NEB: variants seen among roughly 807,000 people sequenced by gnomAD.
NEB encodes the protein nemaline myopathy type 2.
NEB carries 512 observed loss-of-function variants against 952.2 expected under a neutral mutation model. That is an observed-to-expected ratio of 0.54 (90% CI 0.50 to 0.58). NEB has a LOEUF of 0.58. Ranked by LOEUF, NEB falls within the 20% of genes least tolerant of loss-of-function variation. The pLI is 0.00. For synonymous variants in NEB, 2,900 were observed against 3,149.8 expected, an observed-to-expected ratio of 0.92 and a Z score of 2.66; for missense variants, 8,428 against 9,231.1, an observed-to-expected ratio of 0.91 and a Z score of 3.56.
intron 12 of NEB, among the ~76,000 whole-genome samples, chr2:151,708,096 T>C (rs1342141691): frequency 1.3e-5 from 2 of 152,084 alleles, no homozygotes; most frequent in Admixed American, 6.5e-5. Flanking sequence ...AAGCACCAAA[T>C]CTCTTCCCCT....
chr2:151,513,564 G>A lies in NEB; in HGVS notation c.23241+16C>T, dbSNP rs75221580. 1.4e-4 allele frequency: 222 copies of A among 1,558,130 alleles called. 1 individual carries two copies. The African/African-American group carries it at 2.2e-3, about 16-fold the overall frequency. ...ACTACTTTCCTGAAAGATTGACATC[G>A]AATAGTAGCACTGACCTGACTGGCA... is the stretch of plus-strand genomic sequence containing the variant. On this transcript the variant is annotated intron_variant, in intron 160 of 181. Coordinates refer to ENST00000397345, the MANE Select transcript of NEB (RefSeq NM_001164508.2).
intron 10 of NEB, among the ~76,000 whole-genome samples, chr2:151,715,856 AC>A (rs1042259297): frequency 1.3e-5 from 2 of 152,210 alleles, no homozygotes; most frequent in Admixed American, 6.5e-5. Flanking sequence ...GTAGCACTAA[AC>A]CAACTGGCAA....
intron 157 of NEB, among the ~76,000 whole-genome samples, chr2:151,515,430 C>T (rs1173576748): frequency 2.0e-5 from 3 of 152,124 alleles, no homozygotes; most frequent in Admixed American, 6.5e-5. Flanking sequence ...CCAGGCTGGT[C>T]TCAAACTCCT....
At chr2:151,734,237 A>C (rs1036785711) in intron 1 of NEB, among the ~76,000 whole-genome samples, 161 bp downstream of exon 1, 4 of 152,344 alleles carry the variant, frequency 2.6e-5, no homozygotes, top group African/African-American at 7.2e-5. Context: ...CATAGCAGAT[A>C]TTAGTAGGGC....
rs2153608107 is a variant in NEB at position 151,546,426 on chromosome 2, G to C, written c.20385C>G (p.Asp6795Glu). ...AGCCAAATCCCTTCAGGACCTGCAA[G>C]TCCTCTTTGTATTTAATCTGAGAGG... Reference protein sequence around the residue: ...DITSDIKYKEDLQVLKGFGCF... With the variant: ...DITSDIKYKEELQVLKGFGCF... The change falls in exon 134 of 182, where the codon GAC becomes GAG. Residue 6795 changes from aspartate (D) to glutamate (E), a missense_variant. Coordinates refer to ENST00000397345, the MANE Select transcript of NEB (RefSeq NM_001164508.2). 1 of 1,612,882 alleles carries C rather than the reference G, an allele frequency of 6.2e-7. No individual in the cohort carries two copies. The highest frequency in any genetic ancestry group is 1.3e-5 in the African/African-American group (1 of 75,006).
intron 145 of NEB, among the ~76,000 whole-genome samples, chr2:151,530,468 G>A (rs1038002529): frequency 1.2e-4 from 19 of 152,148 alleles, no homozygotes; most frequent in African/African-American, 4.1e-4. Flanking sequence ...AAACTGTTCC[G>A]AGGGAGCCAT....
chr2:151,569,184 A>G (rs973941381), intron 110 of NEB, 84 bp downstream of exon 110: 16 of 1,096,612 alleles, frequency 1.5e-5, no homozygotes, highest in Non-Finnish European at 2.1e-5. Context: ...AAGATTGCTG[A>G]TATTAGATGA....
chr2:151,538,089 T>A, intron 139 of NEB, 51 bp downstream of exon 139: 3 of 1,511,238 alleles, frequency 2.0e-6, no homozygotes, highest in Non-Finnish European at 2.8e-6. Context: ...TATGTATATG[T>A]ATATGGTGAG....
At position 151,640,051 on chromosome 2, in the gene NEB, T is replaced by C. The variant is rs2098827733; in HGVS notation, c.8695A>G (p.Lys2899Glu). 6.2e-7 allele frequency: 1 copy of C among 1,613,270 alleles called. No homozygotes were observed. Among genetic ancestry groups the C allele is most frequent in the Non-Finnish European group, 8.5e-7 (1 of 1,179,224 alleles). The change falls in exon 62 of 182, where the codon AAG (lysine) becomes GAG (glutamate). Residue 2899 changes from lysine to glutamate, a missense_variant. By Grantham distance (56) the Lys-to-Glu change is moderately conservative. This residue lies in a region of NEB where 1,772 missense variants were observed against 1,960.3 expected (regional missense o/e 0.90). Coordinates refer to ENST00000397345, the MANE Select transcript of NEB (RefSeq NM_001164508.2). The part of the protein sequence containing the change: ...AYDLQSDNMY[K>E]SDLQWMRGIG... ...CCTCTCATCCACTGGAGATCAGACT[T>C]GTACATATTCTGTTGACACAAATAG...
chr2:151,563,467 G>T (rs1449329099), intron 119 of NEB, 139 bp downstream of exon 119: 2 of 730,784 alleles, frequency 2.7e-6, no homozygotes, highest in Non-Finnish European at 4.8e-6. Flanking sequence ...TGACTTGGAG[G>T]GGTGAGGAAA....
At chr2:151,718,382 C>A (rs2099765139) in intron 9 of NEB, among the ~76,000 whole-genome samples, 1 of 152,116 alleles carries the variant, frequency 6.6e-6, no homozygotes, top group African/African-American at 2.4e-5. Context: ...TACTCTATGA[C>A]CCTATGGTAT....
chr2:151,494,974 G>A (rs926590848), intron 173 of NEB: 9 of 152,424 alleles, frequency 5.9e-5, no homozygotes, highest in African/African-American at 2.2e-4. Context: ...TTACTGGACT[G>A]TTTTGCAGCA....
At chr2:151,538,350 A>G (rs1416157797) in intron 138 of NEB, 106 bp from the exon 139 acceptor site, 4 of 818,146 alleles carry the variant, frequency 4.9e-6, no homozygotes, top group African/African-American at 1.7e-5. Context: ...TCCCATGAAT[A>G]CATTTAGGAA....
rs532130242 is a variant in NEB, at chr2:151,679,728, G to A, written c.3248C>T (p.Ala1083Val). 174 of 1,378,874 alleles carry A rather than the reference G, an allele frequency of 1.3e-4. 3 individuals carry two copies. In the South Asian group the frequency reaches 1.7e-3, roughly 13 times the overall value. The allele number at this position is 1,378,874 out of a possible 1,614,324, so 85.4% of individuals were successfully genotyped here. Reference sequence around the variant, plus strand: ...GACCACAGCTGGACTTACGTCACTCGCCGCCTGCCTGGCAGCTTTGGCAGC... The same window carrying A: ...GACCACAGCTGGACTTACGTCACTCACCGCCTGCCTGGCAGCTTTGGCAGC... ...IRAAKAARQA[A>V]SDVQYKKDYE... Residue 1083 changes from alanine (A) to valine (V), a missense_variant, in exon 32 of 182, where the codon GCG becomes GTG. Physicochemically the swap from Ala to Val is moderately conservative, Grantham distance 64. Transcript: ENST00000397345.
At chr2:151,577,082 C>T (rs1578316354) in intron 105 of NEB, among the ~76,000 whole-genome samples, 1 of 152,248 alleles carries the variant, frequency 6.6e-6, no homozygotes, top group South Asian at 2.1e-4. Flanking sequence ...GACTTTAAAG[C>T]AACAATAATG....
At chr2:151,496,428 G>GT in intron 172 of NEB, 60 bp from the exon 173 acceptor site, 1 of 1,536,410 alleles carries the variant, frequency 6.5e-7, no homozygotes, top group Non-Finnish European at 8.8e-7. Context: ...TTGTTGAGAG[G>GT]TTTTAAGGGT....
Position 151,688,413 on chromosome 2 carries a change from A to G in NEB, c.2311-17T>C, listed in dbSNP as rs368146492. On this transcript the variant is annotated splice_polypyrimidine_tract_variant and intron_variant, in intron 24 of 181. Coordinates refer to ENST00000397345, the MANE Select transcript of NEB (RefSeq NM_001164508.2). ...GTAATTCAGCTGAAAAACAAAGGAT[A>G]TTTGAACGGTTCAGGGGAACTTCTT... 4.4e-6 allele frequency: 7 copies of G among 1,590,610 alleles called. No individual in the cohort carries two copies. Among genetic ancestry groups the G allele is most frequent in the South Asian group, 1.1e-5 (1 of 90,326 alleles).
chr2:151,620,337 GTA>G (rs1249579994), intron 72 of NEB, among the ~76,000 whole-genome samples: 5 of 52,748 alleles, frequency 9.5e-5, no homozygotes, highest in African/African-American at 2.6e-4. Context: ...ATATATATAT[GTA>G]TGTGTGTGTA....
intron 40 of NEB, 59 bp downstream of exon 40, chr2:151,667,745 G>C (rs902248466): frequency 1.2e-5 from 16 of 1,340,152 alleles, no homozygotes; most frequent in Non-Finnish European, 1.2e-5. Flanking sequence ...TGCCCAGGCT[G>C]GTCTTGAACT....
Sources: allele counts gnomAD v4.1 joint callset (sites outside exome capture counted in the v4.1 genomes callset), GRCh38; gene constraint gnomAD v4.1.1; regional missense constraint gnomAD v4.1.1; transcripts MANE v1.5; gene names NCBI Gene and HGNC (gene_info 2026-07-23, HGNC 2026-07-21).